The following COMMD1 variants were observed in gnomAD, a reference collection of about 807,000 sequenced individuals.
The protein encoded by COMMD1 is copper metabolism domain containing 1, also known as COMM domain-containing protein 1.
Under a neutral mutation model 17.2 loss-of-function variants are expected in COMMD1, and 10 were observed. The observed-to-expected ratio is 0.58, with a 90% confidence interval of 0.36 to 0.99. COMMD1 has a LOEUF of 0.99. COMMD1 is among the 50% of genes least tolerant of loss of function. The pLI, the probability that COMMD1 is intolerant of heterozygous loss-of-function variation, is 0.01. For missense variants in COMMD1, 270 were observed against 231.8 expected (o/e 1.17, Z -1.07); for synonymous variants, 97 against 91.6 (o/e 1.06, Z -0.34).
At chr2:61,897,291 G>A (rs1669569456) in intron 1 of COMMD1, among the ~76,000 whole-genome samples, 1 of 152,158 alleles carries the variant, frequency 6.6e-6, no homozygotes, top group Admixed American at 6.5e-5. Context: ...GTCCCACTTA[G>A]CATATAATCA....
intron 2 of COMMD1, among the ~76,000 whole-genome samples, chr2:62,071,433 C>T (rs1183361600): frequency 6.6e-6 from 1 of 152,162 alleles, no homozygotes; most frequent in Non-Finnish European, 1.5e-5. Flanking sequence ...GTCCTGCCAA[C>T]TTTTTATTTC....
intron 2 of COMMD1, among the ~76,000 whole-genome samples, chr2:62,065,624 T>C (rs909698481): frequency 6.6e-6 from 1 of 152,186 alleles, no homozygotes; most frequent in Non-Finnish European, 1.5e-5. Context: ...CTGGCCCTTA[T>C]ATATACTTAC....
At chr2:62,012,776 AG>A (rs2103835020) in intron 2 of COMMD1, among the ~76,000 whole-genome samples, 1 of 152,326 alleles carries the variant, frequency 6.6e-6, no homozygotes, top group East Asian at 1.9e-4. Context: ...AGATTCACTT[AG>A]CTAGTGATTC....
At chr2:62,016,873 C>T (rs552219770) in intron 2 of COMMD1, among the ~76,000 whole-genome samples, 1 of 151,938 alleles carries the variant, frequency 6.6e-6, no homozygotes, top group Non-Finnish European at 1.5e-5. Context: ...TTGATCCACT[C>T]GAGTTAATTT....
chr2:61,954,902 T>C (rs1671155927), intron 1 of COMMD1, among the ~76,000 whole-genome samples: 1 of 152,206 alleles, frequency 6.6e-6, no homozygotes, highest in Non-Finnish European at 1.5e-5. Context: ...CTCAAACTCC[T>C]GACCTCAAGC....
At chr2:61,958,484 C>T (rs1055258171) in intron 1 of COMMD1, among the ~76,000 whole-genome samples, 35 of 152,242 alleles carry the variant, frequency 2.3e-4, no homozygotes, top group Non-Finnish European at 4.3e-4. Context: ...CCAGGCTGCT[C>T]TTGAACTCCT....
intron 2 of COMMD1, among the ~76,000 whole-genome samples, chr2:62,098,052 G>T (rs775051405): frequency 3.3e-5 from 5 of 151,918 alleles, no homozygotes; most frequent in African/African-American, 7.3e-5. Context: ...TCCTCTTGGG[G>T]TCGCTTAGAT....
chr2:61,982,711 G>T (rs1023135222), intron 1 of COMMD1, among the ~76,000 whole-genome samples: 1 of 151,790 alleles, frequency 6.6e-6, no homozygotes, highest in East Asian at 1.9e-4. Context: ...TCTCATCCCC[G>T]GTTTTTTTTG....
rs146246437 is a variant in COMMD1, at chr2:61,944,472, A to G, written c.180+38614A>G. On this transcript the variant is annotated intron_variant, in intron 1 of 2. Coordinates refer to ENST00000311832, the MANE Select transcript of COMMD1 (RefSeq NM_152516.4). ...TCTCAAAAAAAAAGAAAAAAATATAATAATAATAGTAAGAATGCACCTCCG... is the reference window on the plus strand; with the variant it reads ...TCTCAAAAAAAAAGAAAAAAATATAGTAATAATAGTAAGAATGCACCTCCG... Among the ~76,000 whole-genome samples the G allele has an allele frequency of 3.4e-3, 518 of 152,100 alleles. 3 individuals are homozygous for G. The highest frequency in any genetic ancestry group is 6.8e-3 in the Middle Eastern group (2 of 294).
chr2:61,898,057 A>G (rs116661500), intron 1 of COMMD1, among the ~76,000 whole-genome samples: 1,867 of 152,304 alleles, frequency 0.012, 42 homozygotes, highest in African/African-American at 0.043. Context: ...AACTCAGTCC[A>G]TTGTATTTTA....
intron 1 of COMMD1, among the ~76,000 whole-genome samples, chr2:61,999,455 T>A (rs769827007): frequency 3.0e-4 from 45 of 152,206 alleles, no homozygotes; most frequent in Non-Finnish European, 6.2e-4. Flanking sequence ...TACATTCACT[T>A]AACAATAATT....
At chr2:62,055,462 C>T in intron 2 of COMMD1, 1 of 456,070 alleles carries the variant, frequency 2.2e-6, no homozygotes, top group South Asian at 1.5e-5. Context: ...CAGTGATTCA[C>T]ATTCTCCAAG....
At chr2:62,063,409 C>T (rs995737004) in intron 2 of COMMD1, among the ~76,000 whole-genome samples, 2 of 151,968 alleles carry the variant, frequency 1.3e-5, no homozygotes, top group Non-Finnish European at 2.9e-5. Context: ...CCAGGATGGT[C>T]TTAATCTCCT....
rs942992745 is a variant in COMMD1, at chr2:61,953,986, A to C, written c.181-46715A>C. ...TGTAATCCCAGCACTTTGGGAGGCT[A>C]AGGTGGGCGAATAACAGGGTCAGGA... On this transcript the variant is annotated intron_variant, in intron 1 of 2. Transcript: ENST00000311832. Among the ~76,000 whole-genome samples, 53 of 152,152 alleles carry C rather than the reference A, an allele frequency of 3.5e-4. 1 individual carries two copies. The highest frequency in any genetic ancestry group is 3.1e-3 in the Admixed American group (48 of 15,286).
intron 2 of COMMD1, among the ~76,000 whole-genome samples, chr2:62,033,354 C>G (rs942748845): frequency 6.6e-6 from 1 of 152,212 alleles, no homozygotes; most frequent in African/African-American, 2.4e-5. Flanking sequence ...ACTTACCTTT[C>G]TCCTCAGTTA....
intron 2 of COMMD1, among the ~76,000 whole-genome samples, chr2:62,029,644 G>A (rs975898689): frequency 9.2e-5 from 14 of 152,240 alleles, no homozygotes; most frequent in Admixed American, 5.2e-4. Flanking sequence ...TATCACATTT[G>A]AAAAGAAAAT....
chr2:61,908,114 G>T (rs1320203118), intron 1 of COMMD1, among the ~76,000 whole-genome samples: 3 of 152,170 alleles, frequency 2.0e-5, no homozygotes. Context: ...ATTTGCAGGT[G>T]CCTGGCAGCA....
chr2:61,963,541 A>G (rs1299771895), intron 1 of COMMD1, among the ~76,000 whole-genome samples: 1 of 152,030 alleles, frequency 6.6e-6, no homozygotes, highest in Non-Finnish European at 1.5e-5. Flanking sequence ...ATGGGGTTTC[A>G]CCATGTTGGT....
rs1668918144 is a variant in COMMD1, at chr2:62,000,863, T to C, written c.343T>C (p.Trp115Arg). ...TGAGAGCCTCATGAACCAGAGCCGC[T>C]GGAATAGCGGGCTTCGGGGCCTGAG... Reference protein sequence around the residue: ...IRESLMNQSRWNSGLRGLSWR... With the variant: ...IRESLMNQSRRNSGLRGLSWR... Residue 115 changes from tryptophan to arginine, a missense_variant, in exon 2 of 3, where the codon TGG becomes CGG. Physicochemically the swap from Trp to Arg is moderately radical, Grantham distance 101. Transcript: ENST00000311832. 3 of 1,614,126 alleles carry C rather than the reference T, an allele frequency of 1.9e-6. No homozygotes were observed. Among genetic ancestry groups the C allele is most frequent in the East Asian group, 4.5e-5 (2 of 44,890 alleles).
Sources: gnomAD v4.1 joint callset for allele counts (sites outside exome capture counted in the v4.1 genomes callset) on GRCh38, gnomAD v4.1.1 for gene constraint, MANE v1.5 for transcripts, NCBI Gene and HGNC (gene_info 2026-07-23, HGNC 2026-07-21) for gene names.